The following TBC1D14 variants were observed in gnomAD, a reference collection of about 807,000 sequenced individuals.
TBC1D14 encodes TBC1 domain family member 14, also known as TBC1 domain family, member 14.
A neutral mutation model predicts 79.0 loss-of-function variants in TBC1D14; 26 were observed. The ratio of observed to expected loss-of-function variants is 0.33; its 90% CI spans 0.24 to 0.46. The LOEUF (loss-of-function observed/expected upper bound fraction) is 0.46. TBC1D14 is among the 20% of genes least tolerant of loss of function. TBC1D14 has a pLI of 1.00. For synonymous variants in TBC1D14, 394 were observed against 349.9 expected, an observed-to-expected ratio of 1.13 and a Z score of -1.40; for missense variants, 769 against 887.6, an observed-to-expected ratio of 0.87 and a Z score of 1.70.
intron 3 of TBC1D14, chr4:6,987,267 CGGGA>C (rs1000345297): frequency 3.0e-4 from 393 of 1,301,004 alleles, no homozygotes; most frequent in South Asian, 9.8e-4. Context: ...GCCCGCGGTC[CGGGA>C]GGGAGGGAGG....
intron 3 of TBC1D14, among the ~76,000 whole-genome samples, chr4:6,968,968 G>A (rs1715970504): frequency 6.6e-6 from 1 of 152,198 alleles, no homozygotes; most frequent in Admixed American, 6.5e-5. Context: ...TGTAGGGAGT[G>A]GTTTGTTGGG....
chr4:6,957,979 C>T (rs1228755548), intron 2 of TBC1D14, among the ~76,000 whole-genome samples: 2 of 150,512 alleles, frequency 1.3e-5, no homozygotes, highest in East Asian at 2.0e-4. Flanking sequence ...TTTTATCATC[C>T]CCTTGTTGGG....
intron 1 of TBC1D14, 81 bp downstream of exon 1, chr4:6,910,032 C>T (rs923378667): frequency 6.8e-6 from 1 of 147,732 alleles, no homozygotes; most frequent in Middle Eastern, 3.4e-3. Context: ...TGCTGCAGCG[C>T]CGGCCGAGGC....
At chr4:6,989,145 G>A (rs545868265) in intron 3 of TBC1D14, among the ~76,000 whole-genome samples, 2 of 152,114 alleles carry the variant, frequency 1.3e-5, no homozygotes, top group Non-Finnish European at 2.9e-5. Flanking sequence ...ACCAACAAAC[G>A]TTAAACCTAA....
Position 6,984,902 on chromosome 4 carries a change from G to A in TBC1D14, c.844-9282G>A, listed in dbSNP as rs528881368. 3.9e-5 allele frequency among the ~76,000 whole-genome samples: 6 copies of A among 152,290 alleles called. No homozygotes were observed. In the South Asian group the frequency reaches 6.2e-4, roughly 16 times the overall value. On this transcript the variant is annotated intron_variant, in intron 3 of 13. Coordinates refer to ENST00000409757, the MANE Select transcript of TBC1D14 (RefSeq NM_020773.3). ...GGACTCGGCAGTGGTGTCTGCAGGC[G>A]GGTGGCCCGTTGTGTACGATTGTGA...
At chr4:6,988,914 A>G (rs1718189041) in intron 3 of TBC1D14, among the ~76,000 whole-genome samples, 1 of 90,260 alleles carries the variant, frequency 1.1e-5, no homozygotes, top group African/African-American at 4.7e-5. Context: ...TTTTTGAGAC[A>G]GGGTCTTGTC....
At chr4:7,013,015 T>C (rs1329598129) in intron 11 of TBC1D14, among the ~76,000 whole-genome samples, 1 of 152,238 alleles carries the variant, frequency 6.6e-6, no homozygotes, top group Non-Finnish European at 1.5e-5. Context: ...CATCTAAGTT[T>C]CTGCTGATTT....
intron 7 of TBC1D14, among the ~76,000 whole-genome samples, chr4:7,003,216 T>C (rs988622548): frequency 1.3e-5 from 2 of 152,158 alleles, no homozygotes; most frequent in African/African-American, 4.8e-5. Flanking sequence ...AAGAAAGCCA[T>C]GGGGGAGACT....
intron 13 of TBC1D14, among the ~76,000 whole-genome samples, chr4:7,026,092 C>T (rs544735824): frequency 7.2e-5 from 11 of 152,044 alleles, no homozygotes; most frequent in South Asian, 2.1e-4. Flanking sequence ...GTGCAGCCCC[C>T]GCCTCCCAGG....
intron 3 of TBC1D14, among the ~76,000 whole-genome samples, chr4:6,989,145 G>C (rs545868265): frequency 6.6e-6 from 1 of 151,996 alleles, no homozygotes; most frequent in East Asian, 1.9e-4. Context: ...ACCAACAAAC[G>C]TTAAACCTAA....
intron 2 of TBC1D14, among the ~76,000 whole-genome samples, chr4:6,928,350 A>G (rs1724449089): frequency 6.6e-6 from 1 of 152,128 alleles, no homozygotes. Context: ...TGTCTGGTTC[A>G]CCCTGGCACC....
intron 12 of TBC1D14, among the ~76,000 whole-genome samples, chr4:7,015,648 G>A (rs947620652): frequency 6.6e-6 from 1 of 152,182 alleles, no homozygotes; most frequent in African/African-American, 2.4e-5. Flanking sequence ...AGAGGGCTGG[G>A]AGACCTGTGT....
intron 1 of TBC1D14, among the ~76,000 whole-genome samples, chr4:6,919,152 CT>C (rs879322215): frequency 3.8e-3 from 552 of 145,128 alleles, no homozygotes; most frequent in South Asian, 6.1e-3. Flanking sequence ...GTAATTTCAC[CT>C]TTTTTTTTTT....
chr4:6,937,275 T>G (rs1712429803), intron 2 of TBC1D14, among the ~76,000 whole-genome samples: 1 of 152,114 alleles, frequency 6.6e-6, no homozygotes, highest in South Asian at 2.1e-4. Flanking sequence ...AACAGAAATT[T>G]GTTTCCCACA....
intron 12 of TBC1D14, among the ~76,000 whole-genome samples, chr4:7,021,521 C>T (rs924651489): frequency 5.3e-5 from 8 of 152,036 alleles, no homozygotes; most frequent in African/African-American, 1.9e-4. Flanking sequence ...CACCTGAGCC[C>T]AGGAGGTCTA....
intron 12 of TBC1D14, among the ~76,000 whole-genome samples, chr4:7,024,470 A>G (rs1270960150): frequency 1.3e-5 from 2 of 152,180 alleles, no homozygotes; most frequent in Non-Finnish European, 2.9e-5. Context: ...GTTGGAATTC[A>G]GCAGAGATTG....
At position 7,010,075 on chromosome 4, in the gene TBC1D14, C is replaced by T. The variant is rs1006759538; in HGVS notation, c.1518+127C>T. 4.0e-5 allele frequency: 42 copies of T among 1,041,518 alleles called. No homozygotes were observed. The Admixed American group carries it at 5.9e-4, about 15-fold the overall frequency. The allele number at this position is 1,041,518 out of a possible 1,614,324, so 64.5% of individuals were successfully genotyped here. A position where few individuals can be genotyped will look rare whatever the true frequency, so the allele number is the denominator to read the frequency against. ...TTTTGCCGAGGAGTATGAAAAGTCTCGTGGTAAGTGAGTTAAGTGAGTTGA... is the reference window on the plus strand; with the variant it reads ...TTTTGCCGAGGAGTATGAAAAGTCTTGTGGTAAGTGAGTTAAGTGAGTTGA... On this transcript the variant is annotated intron_variant, in intron 10 of 13. Transcript: ENST00000409757.
chr4:6,944,568 T>C lies in TBC1D14; in HGVS notation c.722+20457T>C, dbSNP rs554275339. 1.5e-4 allele frequency among the ~76,000 whole-genome samples: 23 copies of C among 152,312 alleles called. No individual in the cohort carries two copies. In the South Asian group the frequency reaches 4.6e-3, roughly 30 times the overall value. On this transcript the variant is annotated intron_variant, in intron 2 of 13. Coordinates refer to ENST00000409757, the MANE Select transcript of TBC1D14 (RefSeq NM_020773.3). ...TCTGTCCTTGGCAGATGGAGTTCAC[T>C]GTTAGTGAGAGCCCAGCCTCTGTTT...
intron 6 of TBC1D14, among the ~76,000 whole-genome samples, chr4:7,000,894 C>A (rs1172076314): frequency 1.3e-5 from 2 of 152,164 alleles, no homozygotes; most frequent in Admixed American, 1.3e-4. Context: ...GGCCCCAGAG[C>A]GTGCCTGGGC....
Sources: allele counts gnomAD v4.1 joint callset (sites outside exome capture counted in the v4.1 genomes callset), GRCh38; gene constraint gnomAD v4.1.1; transcripts MANE v1.5; gene names NCBI Gene and HGNC (gene_info 2026-07-23, HGNC 2026-07-21).